The following RARB variants were observed in gnomAD, a reference collection of about 807,000 sequenced individuals.
RARB encodes the protein retinoic acid receptor beta, also known as HBV-activated protein.
A neutral mutation model predicts 51.9 loss-of-function variants in RARB; 17 were observed. That is an observed-to-expected ratio of 0.33 (90% CI 0.22 to 0.49). RARB has a LOEUF of 0.49. Among genes scored for constraint, RARB ranks in the 20% least tolerant of loss-of-function variants. RARB has a pLI of 0.99. For synonymous variants in RARB, 215 were observed against 195.4 expected (o/e 1.10, Z -0.84); for missense variants, 369 against 550.8 (o/e 0.67, Z 3.30).
chr3:25,221,934 T>G (rs1376807136), intron 5 of RARB, among the ~76,000 whole-genome samples: 2 of 152,134 alleles, frequency 1.3e-5, no homozygotes, highest in African/African-American at 4.8e-5. Flanking sequence ...CCAAAGAACA[T>G]CTTGACATTA....
At chr3:25,074,217 T>C (rs1034931606) in intron 3 of RARB, among the ~76,000 whole-genome samples, 1 of 152,236 alleles carries the variant, frequency 6.6e-6, no homozygotes, top group African/African-American at 2.4e-5. Flanking sequence ...CATAAGGGTT[T>C]TTCTGACATT....
chr3:25,126,719 A>G (rs1467310163), intron 3 of RARB, among the ~76,000 whole-genome samples: 1 of 152,170 alleles, frequency 6.6e-6, no homozygotes, highest in Non-Finnish European at 1.5e-5. Flanking sequence ...AGCAAACTAC[A>G]TCACTGATCA....
intron 4 of RARB, among the ~76,000 whole-genome samples, chr3:25,572,075 G>A (rs1559473537): frequency 6.6e-6 from 1 of 152,140 alleles, no homozygotes; most frequent in Admixed American, 6.5e-5. Context: ...TCAAGGTGAG[G>A]GCGTCTTGAC....
At chr3:25,441,361 T>C (rs1708673682) in intron 1 of RARB, 2 of 293,018 alleles carry the variant, frequency 6.8e-6, no homozygotes, top group Admixed American at 4.0e-5. Flanking sequence ...ATCAGTTCAC[T>C]GGACTTCGTA....
intron 5 of RARB, among the ~76,000 whole-genome samples, chr3:25,279,097 A>C (rs1703460724): frequency 6.6e-6 from 1 of 152,218 alleles, no homozygotes; most frequent in South Asian, 2.1e-4. Flanking sequence ...CCATCCACAC[A>C]CATCGTTGCC....
intron 5 of RARB, among the ~76,000 whole-genome samples, chr3:25,409,204 T>C (rs1707494048): frequency 1.3e-5 from 2 of 152,162 alleles, no homozygotes; most frequent in Admixed American, 1.3e-4. Context: ...GAAAAATGTG[T>C]AGTTCATTAA....
At chr3:25,050,372 C>G (rs1468843213) in intron 2 of RARB, among the ~76,000 whole-genome samples, 2 of 151,992 alleles carry the variant, frequency 1.3e-5, no homozygotes, top group Non-Finnish European at 2.9e-5. Flanking sequence ...AAGGATCAAT[C>G]CCAAAGATAA....
At chr3:25,561,703 A>C (rs923587441) in intron 3 of RARB, among the ~76,000 whole-genome samples, 16 of 152,222 alleles carry the variant, frequency 1.1e-4, no homozygotes, top group African/African-American at 3.9e-4. Flanking sequence ...TGTATGATGA[A>C]AATGTCAAGC....
chr3:25,010,385 A>G (rs1052762759), intron 2 of RARB, among the ~76,000 whole-genome samples: 5 of 152,158 alleles, frequency 3.3e-5, no homozygotes, highest in African/African-American at 1.2e-4. Context: ...GCATGCACAA[A>G]ATTGAAAAAA....
chr3:25,233,683 T>G (rs941088794), intron 5 of RARB, among the ~76,000 whole-genome samples: 6 of 151,502 alleles, frequency 4.0e-5, no homozygotes, highest in Admixed American at 6.6e-5. Context: ...TATAGGGGTG[T>G]TGTTGTTGTT....
chr3:25,254,861 A>G (rs553705461), intron 5 of RARB, among the ~76,000 whole-genome samples: 4 of 152,176 alleles, frequency 2.6e-5, no homozygotes, highest in Non-Finnish European at 4.4e-5. Flanking sequence ...TGTTGCTATC[A>G]TGCTTGGTGT....
chr3:25,027,333 A>C (rs893204334), intron 2 of RARB, among the ~76,000 whole-genome samples: 2 of 152,158 alleles, frequency 1.3e-5, no homozygotes, highest in Non-Finnish European at 2.9e-5. Flanking sequence ...CTGAATTCCT[A>C]TCCTGGTTGT....
At chr3:25,510,318 C>T (rs549632407) in intron 3 of RARB, among the ~76,000 whole-genome samples, 2 of 152,118 alleles carry the variant, frequency 1.3e-5, no homozygotes, top group African/African-American at 4.8e-5. Context: ...TATTCGCTCC[C>T]ACATCAAATA....
At chr3:25,035,344 A>G (rs1697967357) in intron 2 of RARB, among the ~76,000 whole-genome samples, 1 of 149,408 alleles carries the variant, frequency 6.7e-6, no homozygotes, top group Non-Finnish European at 1.5e-5. Flanking sequence ...CTGGTCTCCA[A>G]CTCCGTAGCT....
chr3:25,255,295 AC>A (rs1702834575), intron 5 of RARB, among the ~76,000 whole-genome samples: 1 of 152,126 alleles, frequency 6.6e-6, no homozygotes, highest in Non-Finnish European at 1.5e-5. Context: ...GATCACAGCC[AC>A]CCCAGCAGTG....
At chr3:25,134,263 A>C (rs1699996944) in intron 4 of RARB, among the ~76,000 whole-genome samples, 1 of 151,956 alleles carries the variant, frequency 6.6e-6, no homozygotes, top group African/African-American at 2.4e-5. Context: ...TGTAAGAGTT[A>C]ATGGGAAATC....
intron 5 of RARB, among the ~76,000 whole-genome samples, chr3:25,416,988 C>T (rs1322834709): frequency 1.3e-5 from 2 of 152,138 alleles, no homozygotes; most frequent in Non-Finnish European, 2.9e-5. Flanking sequence ...CCTTTCCTTA[C>T]CCCTCCAGAT....
chr3:25,254,557 T>G (rs1404497219), intron 5 of RARB, among the ~76,000 whole-genome samples: 1 of 151,928 alleles, frequency 6.6e-6, no homozygotes, highest in Non-Finnish European at 1.5e-5. Context: ...ATGGTTTTTC[T>G]TTCTCTGACA....
At chr3:25,531,778 T>C (rs1373127133) in intron 3 of RARB, among the ~76,000 whole-genome samples, 1 of 147,594 alleles carries the variant, frequency 6.8e-6, no homozygotes, top group African/African-American at 2.5e-5. Context: ...ATTATAAAAA[T>C]TTTGTGTCAG....
Sources: allele counts gnomAD v4.1 joint callset (sites outside exome capture counted in the v4.1 genomes callset), GRCh38; gene constraint gnomAD v4.1.1; transcripts MANE v1.5; gene names NCBI Gene and HGNC (gene_info 2026-07-23, HGNC 2026-07-21).